Variants in TIAM2 observed in about 807,000 individuals in gnomAD.
The protein encoded by TIAM2 is TIAM Rac1 associated GEF 2, also known as rho guanine nucleotide exchange factor TIAM2.
Under a neutral mutation model 152.9 loss-of-function variants are expected in TIAM2, and 80 were observed. The observed-to-expected ratio is 0.52, with a 90% CI of 0.44 to 0.63. The LOEUF (loss-of-function observed/expected upper bound fraction) is 0.63, where lower values mean the gene tolerates loss of function less well. TIAM2 is among the 30% of genes least tolerant of loss of function. TIAM2 has a pLI of 0.00. For missense variants in TIAM2, 1,965 were observed against 2,120.1 expected (o/e 0.93, Z 1.44); for synonymous variants, 804 against 838.0 (o/e 0.96, Z 0.70).
At position 155,240,629 on chromosome 6, in the gene TIAM2, C is replaced by T. The variant is rs370734146; in HGVS notation, c.3268C>T (p.Leu1090=). The T allele has an allele frequency of 4.6e-5, 74 of 1,614,100 alleles. No homozygotes were observed. In the Middle Eastern group the frequency reaches 1.5e-3, roughly 32 times the overall value. Residue 1090 remains leucine (L), a synonymous_variant, in exon 16 of 27, where the codon CTG becomes TTG. Coordinates refer to ENST00000682666, the MANE Select transcript of TIAM2 (RefSeq NM_012454.4). ...GAATCAGGATCCTCCTCCGAGGTCT[C>T]TGGCCCGCCACCTGTCTGATGCAGA... ...RENQDPPPRS[L]ARHLSDADRL...
intron 14 of TIAM2, among the ~76,000 whole-genome samples, chr6:155,207,849 T>C (rs960023607): frequency 5.9e-5 from 9 of 152,210 alleles, no homozygotes; most frequent in Admixed American, 2.0e-4. Context: ...CCTTGTCTCT[T>C]TTATAAGAAG....
intron 1 of TIAM2, among the ~76,000 whole-genome samples, chr6:155,038,779 A>G (rs1562297669): frequency 6.6e-6 from 1 of 151,780 alleles, no homozygotes; most frequent in Non-Finnish European, 1.5e-5. Context: ...CCAAAATAAA[A>G]ATATTAGCCA....
At chr6:155,249,248 G>A (rs1412735553) in intron 20 of TIAM2, among the ~76,000 whole-genome samples, 1 of 152,060 alleles carries the variant, frequency 6.6e-6, no homozygotes, top group Non-Finnish European at 1.5e-5. Context: ...ATTCCCTCGC[G>A]GAAAGTTATG....
In TIAM2 at chr6:155,256,859, C is replaced by T. The variant is rs114819274; in HGVS notation, c.4844C>T (p.Ser1615Leu). ...GCTGAGCAGCAGCCTGGCCCGGAGTCGGGTGAGGGTCAGAAAGGAGGAGAG... is the reference window on the plus strand; with the variant it reads ...GCTGAGCAGCAGCCTGGCCCGGAGTTGGGTGAGGGTCAGAAAGGAGGAGAG... ...PEAEQQPGPE[S>L]GEGQKGGEQP... Residue 1615 changes from serine (S) to leucine (L), a missense_variant, in exon 27 of 27, where the codon TCG becomes TTG. Ser to Leu is a moderately radical substitution (Grantham distance 145). Coordinates refer to ENST00000682666, the MANE Select transcript of TIAM2 (RefSeq NM_012454.4). The T allele has an allele frequency of 2.2e-5, 36 of 1,614,158 alleles. No individual in the cohort carries two copies. The East Asian group carries it at 4.9e-4, about 22-fold the overall frequency.
In TIAM2 at chr6:155,130,362, T is replaced by A; in HGVS notation, c.1139T>A (p.Met380Lys). 1 of 1,613,984 alleles carries A rather than the reference T, an allele frequency of 6.2e-7. No homozygotes were observed. The highest frequency in any genetic ancestry group is 8.5e-7 in the Non-Finnish European group (1 of 1,180,024). The change falls in exon 4 of 27, where the codon ATG (methionine) becomes AAG (lysine). Residue 380 changes from methionine (M) to lysine (K), a missense_variant. By Grantham distance (95) the Met-to-Lys change is moderately conservative. This residue lies in a region of TIAM2 where 1,025 missense variants were observed against 1,119.4 expected (regional missense o/e 0.92). Coordinates refer to ENST00000682666, the MANE Select transcript of TIAM2 (RefSeq NM_012454.4). The part of the protein sequence containing the change: ...TAKKDSLKAR[M>K]RRISDWTGSL... Reference sequence around the variant, plus strand: ...AAGAAGGACTCCCTCAAAGCCAGGATGCGACGGATCAGTGACTGGACGGGA... The same window carrying A: ...AAGAAGGACTCCCTCAAAGCCAGGAAGCGACGGATCAGTGACTGGACGGGA...
intron 2 of TIAM2, among the ~76,000 whole-genome samples, chr6:155,108,540 T>C (rs1343409023): frequency 1.3e-5 from 2 of 152,210 alleles, no homozygotes; most frequent in Non-Finnish European, 2.9e-5. Flanking sequence ...GACCAGACCG[T>C]AAATAGTGTT....
At chr6:155,056,770 A>G (rs940672250) in intron 1 of TIAM2, among the ~76,000 whole-genome samples, 1 of 152,022 alleles carries the variant, frequency 6.6e-6, no homozygotes. Flanking sequence ...ATTACAATAA[A>G]TGAACCATAT....
intron 1 of TIAM2, among the ~76,000 whole-genome samples, chr6:155,063,890 T>C (rs908003670): frequency 1.3e-5 from 2 of 151,328 alleles, no homozygotes; most frequent in African/African-American, 2.4e-5. Flanking sequence ...GGATGTAAGA[T>C]AGTGAAGCTC....
chr6:155,254,418 G>A lies in TIAM2; in HGVS notation c.4314-1G>A. 1 of 1,611,084 alleles carries A rather than the reference G, an allele frequency of 6.2e-7. No individual in the cohort carries two copies. On this transcript the variant is annotated splice_acceptor_variant, in intron 25 of 26. Coordinates refer to ENST00000682666, the MANE Select transcript of TIAM2 (RefSeq NM_012454.4). LOFTEE classifies it high-confidence loss of function. ...GCTGTTTTCTCTCCCCCCCCACCCA[G>A]TGACAGTGAAAGCAAAACCAACATT...
In TIAM2 at chr6:155,137,557, G is replaced by A. The variant is rs1311182082; in HGVS notation, c.1575G>A (p.Arg525=). Residue 525 remains arginine (R), a synonymous_variant, in exon 5 of 27, where the codon AGG becomes AGA. Coordinates refer to ENST00000682666, the MANE Select transcript of TIAM2 (RefSeq NM_012454.4). ...CCCTGGTCACTGTGCAGAAGGAAAG[G>A]AAGCTTGAGCTGGTGGCACGAAGGA... ...FKPLVTVQKE[R]KLELVARRKW... 2.5e-6 allele frequency: 4 copies of A among 1,612,250 alleles called. No individual in the cohort carries two copies. The highest frequency in any genetic ancestry group is 3.4e-6 in the Non-Finnish European group (4 of 1,179,898).
intron 7 of TIAM2, among the ~76,000 whole-genome samples, chr6:155,162,739 T>C (rs1295402592): frequency 6.6e-6 from 1 of 152,190 alleles, no homozygotes; most frequent in Non-Finnish European, 1.5e-5. Flanking sequence ...ATCTGCATTT[T>C]TAAAAGCCAA....
chr6:155,199,566 A>C (rs1781432273), intron 14 of TIAM2, among the ~76,000 whole-genome samples: 1 of 152,240 alleles, frequency 6.6e-6, no homozygotes, highest in South Asian at 2.1e-4. Context: ...CTCTTAAAAC[A>C]AGGGATGAGG....
intron 19 of TIAM2, 23 bp downstream of exon 19, chr6:155,245,754 A>AATTT (rs780216593): frequency 3.6e-6 from 2 of 562,928 alleles, no homozygotes; most frequent in African/African-American, 5.6e-5. Flanking sequence ...TGCCTTTTAT[A>AATTT]GTTTTTTTTT....
At chr6:155,173,509 T>A (rs1244275333) in intron 9 of TIAM2, among the ~76,000 whole-genome samples, 1 of 152,216 alleles carries the variant, frequency 6.6e-6, no homozygotes, top group African/African-American at 2.4e-5. Flanking sequence ...ATTTTTCTTC[T>A]CGAAGCTTCC....
intron 14 of TIAM2, among the ~76,000 whole-genome samples, chr6:155,194,580 C>T (rs1461844948): frequency 6.6e-6 from 1 of 152,144 alleles, no homozygotes; most frequent in African/African-American, 2.4e-5. Context: ...TGTCCTCCTC[C>T]TTTACAGGGA....
rs377159485 is a variant in TIAM2, at chr6:155,092,345, G to A, written c.-118+1966G>A. On this transcript the variant is annotated intron_variant, in intron 2 of 26. Coordinates refer to ENST00000682666, the MANE Select transcript of TIAM2 (RefSeq NM_012454.4). The stretch of plus-strand genomic sequence containing the variant: ...TCTCCTGGGCTCAAGTGATCCGCCC[G>A]TCTCAGCCTCCCAAAGTGCTGGGAT... 6.6e-5 allele frequency among the ~76,000 whole-genome samples: 10 copies of A among 152,060 alleles called. No homozygotes were observed. In the South Asian group the frequency reaches 1.2e-3, roughly 19 times the overall value.
intron 1 of TIAM2, among the ~76,000 whole-genome samples, chr6:155,024,126 A>G (rs1219171952): frequency 6.6e-6 from 1 of 152,182 alleles, no homozygotes; most frequent in East Asian, 1.9e-4. Flanking sequence ...TCTGACTCCA[A>G]AGCACTTGTT....
intron 14 of TIAM2, among the ~76,000 whole-genome samples, chr6:155,187,573 C>CCTT (rs1189509294): frequency 1.5e-3 from 75 of 49,602 alleles, no homozygotes; most frequent in Non-Finnish European, 1.9e-3. Context: ...ACCCCGCCCC[C>CCTT]TTTTTTTTTT....
At chr6:155,249,197 A>G (rs1185345588) in intron 20 of TIAM2, among the ~76,000 whole-genome samples, 1 of 152,204 alleles carries the variant, frequency 6.6e-6, no homozygotes, top group Non-Finnish European at 1.5e-5. Flanking sequence ...AGTGACCTAA[A>G]ATTTTGCTTT....
Sources: gnomAD v4.1 joint callset for allele counts (sites outside exome capture counted in the v4.1 genomes callset) on GRCh38, gnomAD v4.1.1 for gene constraint, gnomAD v4.1.1 regional missense constraint, MANE v1.5 for transcripts, NCBI Gene and HGNC (gene_info 2026-07-23, HGNC 2026-07-21) for gene names.